RBFOX1: variants seen among roughly 807,000 people sequenced by gnomAD.
RBFOX1 encodes RNA binding fox-1 homolog 1, also known as RNA binding protein fox-1 homolog 1.
In RBFOX1, 8 loss-of-function variants were observed where a neutral mutation model predicts 57.7. The observed-to-expected ratio is 0.14, with a 90% CI of 0.08 to 0.25. The LOEUF is 0.25. Among genes scored for constraint, RBFOX1 ranks in the 10% least tolerant of loss-of-function variants. RBFOX1 has a pLI of 1.00. For missense variants in RBFOX1, 611 were observed against 548.5 expected, an observed-to-expected ratio of 1.11 and a Z score of -1.14; for synonymous variants, 326 against 222.4, an observed-to-expected ratio of 1.47 and a Z score of -4.15.
At chr16:7,311,223 C>T (rs547888381) in intron 4 of RBFOX1, among the ~76,000 whole-genome samples, 1 of 152,160 alleles carries the variant, frequency 6.6e-6, no homozygotes, top group African/African-American at 2.4e-5. Flanking sequence ...CAGCCAAGCT[C>T]TAGCTGAAGA....
chr16:7,008,550 T>C (rs1388783487), intron 3 of RBFOX1, among the ~76,000 whole-genome samples: 1 of 151,738 alleles, frequency 6.6e-6, no homozygotes, highest in Non-Finnish European at 1.5e-5. Context: ...AAAAAAAAAG[T>C]AGAATTCAGT....
chr16:6,211,482 C>A (rs1245232767), intron 1 of RBFOX1, among the ~76,000 whole-genome samples: 1 of 152,166 alleles, frequency 6.6e-6, no homozygotes, highest in African/African-American at 2.4e-5. Context: ...CCCGCCTCTG[C>A]CTCCCAAAGT....
intron 3 of RBFOX1, among the ~76,000 whole-genome samples, chr16:6,834,057 AT>A (rs71147606): frequency 1.3e-5 from 2 of 150,700 alleles, no homozygotes; most frequent in Admixed American, 6.6e-5. Flanking sequence ...TCCAATAAAT[AT>A]TTTTTTTTCT....
intron 1 of RBFOX1, among the ~76,000 whole-genome samples, chr16:5,395,678 T>C (rs1230962910): frequency 6.6e-6 from 1 of 152,232 alleles, no homozygotes; most frequent in African/African-American, 2.4e-5. Flanking sequence ...GACTTGTTTT[T>C]AGCCAACAGA....
At chr16:7,074,260 A>T (rs918002274) in intron 4 of RBFOX1, among the ~76,000 whole-genome samples, 1 of 152,244 alleles carries the variant, frequency 6.6e-6, no homozygotes, top group Non-Finnish European at 1.5e-5. Flanking sequence ...GAAAAGATGG[A>T]CATGATGAGT....
chr16:7,213,759 C>T (rs979513027), intron 4 of RBFOX1, among the ~76,000 whole-genome samples: 7 of 152,122 alleles, frequency 4.6e-5, no homozygotes, highest in African/African-American at 1.4e-4. Context: ...TCATGAATAA[C>T]GGATAGAGCC....
At chr16:7,188,063 T>C (rs576747297) in intron 4 of RBFOX1, among the ~76,000 whole-genome samples, 1 of 152,358 alleles carries the variant, frequency 6.6e-6, no homozygotes, top group Non-Finnish European at 1.5e-5. Flanking sequence ...AACTTTTCTC[T>C]GTTTCTCACA....
intron 1 of RBFOX1, among the ~76,000 whole-genome samples, chr16:5,429,283 C>G (rs2067658377): frequency 6.6e-6 from 1 of 152,206 alleles, no homozygotes; most frequent in Admixed American, 6.5e-5. Flanking sequence ...GGACTGCTGG[C>G]CCTCTGAGAG....
At chr16:6,864,995 CTTTTTTTTTT>C (rs34341448) in intron 3 of RBFOX1, among the ~76,000 whole-genome samples, 2 of 82,566 alleles carry the variant, frequency 2.4e-5, no homozygotes, top group Admixed American at 1.6e-4. Flanking sequence ...TTTTCTTTTT[CTTTTTTTTTT>C]TTTTTTTTTT....
intron 1 of RBFOX1, among the ~76,000 whole-genome samples, chr16:5,334,448 G>T (rs2064845540): frequency 6.6e-6 from 1 of 152,022 alleles, no homozygotes; most frequent in Non-Finnish European, 1.5e-5. Context: ...CTCTCTCTGG[G>T]GTTGTCTCAG....
intron 2 of RBFOX1, among the ~76,000 whole-genome samples, chr16:6,623,067 T>C (rs1022401898): frequency 1.3e-5 from 2 of 152,230 alleles, no homozygotes; most frequent in Non-Finnish European, 2.9e-5. Context: ...CATCGACATA[T>C]ATTGCAAATT....
intron 9 of RBFOX1, among the ~76,000 whole-genome samples, chr16:7,606,314 G>C (rs1483956544): frequency 2.0e-5 from 3 of 151,326 alleles, no homozygotes; most frequent in South Asian, 4.2e-4. Flanking sequence ...GTAGAGATGG[G>C]GTTTCACTAT....
chr16:7,579,824 T>A lies in RBFOX1; in HGVS notation c.318T>A (p.Pro106=). 1 of 1,614,060 alleles carries A rather than the reference T, an allele frequency of 6.2e-7. No individual in the cohort carries two copies. Among genetic ancestry groups the A allele is most frequent in the Non-Finnish European group, 8.5e-7 (1 of 1,179,980 alleles). Residue 106 remains proline, a synonymous_variant, in exon 6 of 16, where the codon CCT becomes CCA. Transcript: ENST00000550418. The part of the protein sequence containing the change: ...APTDGQPQTQ[P]SENTENKSQP... ...CGGATGGCCAGCCCCAGACACAACC[T>A]TCTGAAAACACGGAAAACAAGTCTC...
chr16:6,247,352 T>C (rs1446016268), intron 1 of RBFOX1, among the ~76,000 whole-genome samples: 1 of 152,182 alleles, frequency 6.6e-6, no homozygotes, highest in Non-Finnish European at 1.5e-5. Flanking sequence ...GTTCAGACTT[T>C]GGCAGCTGGT....
At chr16:5,488,638 G>C (rs2042725401) in intron 2 of RBFOX1, among the ~76,000 whole-genome samples, 1 of 65,972 alleles carries the variant, frequency 1.5e-5, no homozygotes, top group African/African-American at 3.8e-5. Flanking sequence ...GGATTATAGT[G>C]ATGATGGTGA....
At chr16:7,212,339 G>A (rs1306454861) in intron 4 of RBFOX1, among the ~76,000 whole-genome samples, 2 of 152,188 alleles carry the variant, frequency 1.3e-5, no homozygotes, top group Admixed American at 1.3e-4. Flanking sequence ...CCTCAGGAAA[G>A]TATTCGCTTG....
At position 6,945,138 on chromosome 16, in the gene RBFOX1, C is replaced by G. The variant is rs140383218; in HGVS notation, c.-15-106919C>G. ...CTAGGGTCACGCAGAGGTAGGGGCACAGTACATAGGGATGAGAGTATGGGG... is the reference window on the plus strand; with the variant it reads ...CTAGGGTCACGCAGAGGTAGGGGCAGAGTACATAGGGATGAGAGTATGGGG... On this transcript the variant is annotated intron_variant, in intron 3 of 15. Coordinates refer to ENST00000550418, the MANE Select transcript of RBFOX1 (RefSeq NM_018723.4). 9.9e-5 allele frequency among the ~76,000 whole-genome samples: 15 copies of G among 152,200 alleles called. No homozygotes were observed. In the East Asian group the frequency reaches 1.2e-3, roughly 12 times the overall value.
At chr16:5,644,476 C>T (rs1567339307) in intron 3 of RBFOX1, among the ~76,000 whole-genome samples, 1 of 152,116 alleles carries the variant, frequency 6.6e-6, no homozygotes, top group African/African-American at 2.4e-5. Flanking sequence ...GACTGTACAC[C>T]ATGGAGGTAA....
chr16:5,565,568 T>C (rs888605253), intron 2 of RBFOX1, among the ~76,000 whole-genome samples: 9 of 151,880 alleles, frequency 5.9e-5, no homozygotes, highest in African/African-American at 2.2e-4. Flanking sequence ...GAGTTCGTGG[T>C]GAGCTGAGAT....
Sources: gnomAD v4.1 joint callset for allele counts (sites outside exome capture counted in the v4.1 genomes callset) on GRCh38, gnomAD v4.1.1 for gene constraint, MANE v1.5 for transcripts, NCBI Gene and HGNC (gene_info 2026-07-23, HGNC 2026-07-21) for gene names.